Variants in LEMD3 observed in about 807,000 individuals in gnomAD.
The protein encoded by LEMD3 is LEM domain containing 3.
Under a neutral mutation model 95.2 loss-of-function variants are expected in LEMD3, and 33 were observed. The ratio of observed to expected loss-of-function variants is 0.35; its 90% CI spans 0.26 to 0.46. The LOEUF is 0.46. LEMD3 is among the 20% of genes least tolerant of loss of function. The pLI is 1.00. For missense variants in LEMD3, 1,210 were observed against 1,192.8 expected, an observed-to-expected ratio of 1.01 and a Z score of -0.21; for synonymous variants, 525 against 474.6, an observed-to-expected ratio of 1.11 and a Z score of -1.38.
intron 1 of LEMD3, among the ~76,000 whole-genome samples, chr12:65,206,723 A>G (rs951479169): frequency 6.6e-6 from 1 of 152,118 alleles, no homozygotes; most frequent in East Asian, 1.9e-4. Context: ...CTAGACTACA[A>G]TTGGAGAATT....
Position 65,246,301 on chromosome 12 carries a change from A to C in LEMD3, c.2712A>C (p.Leu904=). 6.2e-7 allele frequency: 1 copy of C among 1,613,424 alleles called. No individual in the cohort carries two copies. The highest frequency in any genetic ancestry group is 8.5e-7 in the Non-Finnish European group (1 of 1,179,546). The change falls in exon 13 of 13, where the codon CTA becomes CTC. Residue 904 remains leucine, a synonymous_variant. Coordinates refer to ENST00000308330, the MANE Select transcript of LEMD3 (RefSeq NM_014319.5). ...CTCATCTTCGTCTTCGGACTGGCCT[A>C]ACCAATTCTCAAGGAAGTTCCTGAA... The part of the protein sequence containing the change: ...SMSHLRLRTG[L]TNSQGSS
intron 1 of LEMD3, among the ~76,000 whole-genome samples, chr12:65,174,151 T>G (rs1262001683): frequency 6.6e-6 from 1 of 152,196 alleles, no homozygotes; most frequent in Non-Finnish European, 1.5e-5. Flanking sequence ...TATAGTAGAT[T>G]AGTCTTTTAA....
At chr12:65,172,024 CAGA>C (rs1463631807) in intron 1 of LEMD3, 1 of 152,276 alleles carries the variant, frequency 6.6e-6, no homozygotes, top group Admixed American at 6.5e-5. Context: ...AGACCTGAAG[CAGA>C]AGGAGACAGC....
intron 2 of LEMD3, among the ~76,000 whole-genome samples, chr12:65,214,569 C>G (rs1388514501): frequency 6.6e-6 from 1 of 152,136 alleles, no homozygotes; most frequent in Non-Finnish European, 1.5e-5. Flanking sequence ...AAGCATGCCA[C>G]CCATAGTGTG....
chr12:65,240,106 GATTC>G, intron 7 of LEMD3, 26 bp from the exon 8 acceptor site: 1 of 1,238,576 alleles, frequency 8.1e-7, no homozygotes, highest in Non-Finnish European at 1.2e-6. Context: ...TCAAGTGATT[GATTC>G]ATTTGTAAAT....
chr12:65,201,015 G>T (rs1869584604), intron 1 of LEMD3, among the ~76,000 whole-genome samples: 1 of 152,114 alleles, frequency 6.6e-6, no homozygotes, highest in South Asian at 2.1e-4. Flanking sequence ...TTTTTTGCAT[G>T]TGAGTATCCA....
At chr12:65,213,611 A>G (rs1475259560) in intron 2 of LEMD3, among the ~76,000 whole-genome samples, 1 of 152,230 alleles carries the variant, frequency 6.6e-6, no homozygotes. Context: ...ATGAGAATGT[A>G]ACAGTATGTA....
chr12:65,220,554 C>T (rs1870253159), intron 4 of LEMD3, among the ~76,000 whole-genome samples: 1 of 152,122 alleles, frequency 6.6e-6, no homozygotes, highest in Non-Finnish European at 1.5e-5. Flanking sequence ...TTTTACTGCA[C>T]ATATGCTTTT....
At chr12:65,210,388 T>G (rs887683754) in intron 1 of LEMD3, among the ~76,000 whole-genome samples, 5 of 152,144 alleles carry the variant, frequency 3.3e-5, no homozygotes, top group African/African-American at 2.4e-5. Flanking sequence ...GTTAACTGCT[T>G]CTTAGTCTAT....
chr12:65,245,948 T>C lies in LEMD3; in HGVS notation c.2572+9T>C, dbSNP rs771525825. 2 of 1,585,568 alleles carry C rather than the reference T, an allele frequency of 1.3e-6. No homozygotes were observed. The highest frequency in any genetic ancestry group is 4.5e-5 in the East Asian group (2 of 44,678). On this transcript the variant is annotated intron_variant, in intron 12 of 12. Coordinates refer to ENST00000308330, the MANE Select transcript of LEMD3 (RefSeq NM_014319.5). ...TGGCTCTTGGTTTGATGGTAAGAAA[T>C]TTGAGTACTACAAACATTTTGAAAA...
intron 1 of LEMD3, among the ~76,000 whole-genome samples, chr12:65,174,583 A>T (rs375255053): frequency 8.5e-5 from 13 of 152,108 alleles, no homozygotes; most frequent in African/African-American, 3.1e-4. Context: ...CCCCCATATA[A>T]ATAAGTTCAA....
intron 1 of LEMD3, among the ~76,000 whole-genome samples, chr12:65,191,054 A>C (rs190438197): frequency 7.9e-5 from 12 of 152,180 alleles, no homozygotes; most frequent in Non-Finnish European, 1.8e-4. Context: ...GTTCAGTCTC[A>C]TGTAATTCCT....
intron 4 of LEMD3, among the ~76,000 whole-genome samples, chr12:65,231,279 A>G (rs1870618160): frequency 1.3e-5 from 2 of 152,208 alleles, no homozygotes; most frequent in Admixed American, 1.3e-4. Flanking sequence ...TGTCAAAAGC[A>G]AAACAGAGAG....
At chr12:65,185,044 G>A (rs531899608) in intron 1 of LEMD3, among the ~76,000 whole-genome samples, 1 of 151,488 alleles carries the variant, frequency 6.6e-6, no homozygotes. Context: ...GTAATTACTC[G>A]GGCCTTGGGC....
At position 65,244,466 on chromosome 12, in the gene LEMD3, T is replaced by C. The variant is rs1345321078; in HGVS notation, c.2387+997T>C. The stretch of plus-strand genomic sequence containing the variant: ...AGTGAAGTCACTTTCCTCTCTCTCC[T>C]GCCATCTTTGTCTCACAAGCAAGAC... On this transcript the variant is annotated intron_variant, in intron 10 of 12. Coordinates refer to ENST00000308330, the MANE Select transcript of LEMD3 (RefSeq NM_014319.5). Among the ~76,000 whole-genome samples, 3 of 152,166 alleles carry C rather than the reference T, an allele frequency of 2.0e-5. No individual in the cohort carries two copies. In the East Asian group the frequency reaches 5.8e-4, roughly 29 times the overall value.
At chr12:65,216,600 A>G (rs1246187231) in intron 3 of LEMD3, among the ~76,000 whole-genome samples, 1 of 151,886 alleles carries the variant, frequency 6.6e-6, no homozygotes, top group East Asian at 1.9e-4. Flanking sequence ...AAACTGCAGT[A>G]GCAGCTTATC....
In LEMD3 at chr12:65,169,855, G is replaced by T. The variant is rs1359893962; in HGVS notation, c.259G>T (p.Ala87Ser). Reference protein sequence around the residue: ...AAAGPAAAAAAGMGVRPVSGD... With the variant: ...AAAGPAAAAASGMGVRPVSGD... ...CGCGGGACCAGCGGCGGCGGCGGCC[G>T]CGGGGATGGGGGTCCGGCCGGTCTC... The change falls in exon 1 of 13, where the codon GCG (alanine) becomes TCG (serine). Residue 87 changes from alanine to serine, a missense_variant. Coordinates refer to ENST00000308330, the MANE Select transcript of LEMD3 (RefSeq NM_014319.5). The T allele has an allele frequency of 6.8e-7, 1 of 1,462,186 alleles. No homozygotes were observed. The highest frequency in any genetic ancestry group is 1.4e-5 in the African/African-American group (1 of 69,502). The allele number at this position is 1,462,186 out of a possible 1,614,324, so 90.6% of individuals were successfully genotyped here.
chr12:65,176,164 A>G lies in LEMD3; in HGVS notation c.1522+5046A>G, dbSNP rs555661708. Among the ~76,000 whole-genome samples the G allele has an allele frequency of 4.6e-5, 7 of 152,336 alleles. 1 individual carries two copies. In the South Asian group the frequency reaches 1.4e-3, roughly 32 times the overall value. Reference sequence around the variant, plus strand: ...TGTCAGTACAGAGCAGCGTTTCTAAAGCACAAATGTGATCATTCCCTCTTG... The same window carrying G: ...TGTCAGTACAGAGCAGCGTTTCTAAGGCACAAATGTGATCATTCCCTCTTG... On this transcript the variant is annotated intron_variant, in intron 1 of 12. Coordinates refer to ENST00000308330, the MANE Select transcript of LEMD3 (RefSeq NM_014319.5).
intron 1 of LEMD3, among the ~76,000 whole-genome samples, chr12:65,206,452 G>A (rs1231619200): frequency 6.6e-6 from 1 of 152,084 alleles, no homozygotes; most frequent in Non-Finnish European, 1.5e-5. Flanking sequence ...TAAATCTCTT[G>A]TAACTAACAT....
Sources: allele counts gnomAD v4.1 joint callset (sites outside exome capture counted in the v4.1 genomes callset), GRCh38; gene constraint gnomAD v4.1.1; transcripts MANE v1.5; gene names NCBI Gene and HGNC (gene_info 2026-07-23, HGNC 2026-07-21).